PIWIL2: variants seen among roughly 807,000 people sequenced by gnomAD.
PIWIL2 encodes the protein piwi like RNA-mediated gene silencing 2.
PIWIL2 carries 81 observed loss-of-function variants against 116.5 expected under a neutral mutation model. The observed-to-expected ratio is 0.70, with a 90% confidence interval of 0.58 to 0.84. PIWIL2 has a LOEUF of 0.84. PIWIL2 is among the 40% of genes least tolerant of loss of function. PIWIL2 has a pLI of 0.00. For missense variants in PIWIL2, 1,272 were observed against 1,212.3 expected, an observed-to-expected ratio of 1.05 and a Z score of -0.73; for synonymous variants, 489 against 429.5, an observed-to-expected ratio of 1.14 and a Z score of -1.71.
chr8:22,277,844 A>G (rs564287821), intron 1 of PIWIL2, among the ~76,000 whole-genome samples: 2 of 152,326 alleles, frequency 1.3e-5, no homozygotes, highest in South Asian at 2.1e-4. Context: ...TTTGTTGACA[A>G]TAATTTTATG....
At chr8:22,337,821 G>A (rs1294232469) in intron 20 of PIWIL2, among the ~76,000 whole-genome samples, 7 of 151,354 alleles carry the variant, frequency 4.6e-5, no homozygotes, top group African/African-American at 1.7e-4. Context: ...TAGGCCAGGC[G>A]CAGTGACTCG....
At chr8:22,302,587 A>T (rs892438538) in intron 10 of PIWIL2, among the ~76,000 whole-genome samples, 4 of 151,898 alleles carry the variant, frequency 2.6e-5, no homozygotes, top group African/African-American at 9.7e-5. Context: ...TTTCCTTATT[A>T]TCATTTTTTA....
At chr8:22,278,184 G>T (rs1038847592) in intron 1 of PIWIL2, among the ~76,000 whole-genome samples, 3 of 150,896 alleles carry the variant, frequency 2.0e-5, no homozygotes, top group Non-Finnish European at 3.0e-5. Context: ...AAAAGGGGGG[G>T]AGGAAAAGAA....
At chr8:22,276,889 C>T (rs967367571) in intron 1 of PIWIL2, among the ~76,000 whole-genome samples, 2 of 144,592 alleles carry the variant, frequency 1.4e-5, no homozygotes, top group Admixed American at 7.3e-5. Context: ...GATGACAGAA[C>T]AAGACCCTGT....
intron 22 of PIWIL2, among the ~76,000 whole-genome samples, chr8:22,355,038 C>G (rs1276204418): frequency 2.0e-5 from 3 of 151,226 alleles, no homozygotes; most frequent in African/African-American, 7.3e-5. Context: ...CCATTGCACT[C>G]CAGCCTGGGC....
chr8:22,315,229 C>CCTCTTCTCAACACTTA, intron 18 of PIWIL2, 84 bp downstream of exon 18: 6 of 789,306 alleles, frequency 7.6e-6, no homozygotes, highest in Non-Finnish European at 9.1e-6. Context: ...CGTTATGCTT[C>CCTCTTCTCAACACTTA]CTCTTCTCAA....
intron 10 of PIWIL2, among the ~76,000 whole-genome samples, chr8:22,296,981 T>C (rs191692749): frequency 6.6e-4 from 101 of 152,206 alleles, no homozygotes; most frequent in African/African-American, 2.3e-3. Context: ...GCTTACATTC[T>C]TTCCTTTTTT....
At position 22,357,245 on chromosome 8, in the gene PIWIL2, C is replaced by T. The variant is rs1832507895; in HGVS notation, c.*1740C>T. The T allele has an allele frequency of 6.6e-6, 1 of 152,170 alleles. No individual in the cohort carries two copies. Among genetic ancestry groups the T allele is most frequent in the South Asian group, 2.1e-4 (1 of 4,830 alleles). 9.4% of individuals were successfully genotyped at this position (152,170 alleles called of 1,614,324 possible). A position where few individuals can be genotyped will look rare whatever the true frequency, so the allele number is the denominator to read the frequency against. On this transcript the variant is annotated 3_prime_UTR_variant, in exon 23 of 23. Transcript: ENST00000356766. ...TGAGGAGGGATGGGTATTGTTGGTG[C>T]ACTGCTGGTTTCATTTGGAGTGTGG...
chr8:22,301,041 G>A (rs1398684883), intron 10 of PIWIL2, among the ~76,000 whole-genome samples: 2 of 151,768 alleles, frequency 1.3e-5, no homozygotes, highest in Non-Finnish European at 2.9e-5. Context: ...GCGCAGAGGT[G>A]CAGTCACATC....
At chr8:22,316,934 A>G (rs766054711) in intron 19 of PIWIL2, among the ~76,000 whole-genome samples, 2 of 151,456 alleles carry the variant, frequency 1.3e-5, no homozygotes, top group South Asian at 2.1e-4. Flanking sequence ...GACCACAAGC[A>G]TGTGCCACCA....
Position 22,327,369 on chromosome 8 carries a change from GT to G in PIWIL2, c.2403+9109del, listed in dbSNP as rs1170780921. ...TGTTTTTTGTGGGGTTTTTTGTTTCGTTTTTTTTTTTTTTTGAGACGGAGTT... is the reference window on the plus strand; with the variant it reads ...TGTTTTTTGTGGGGTTTTTTGTTTCGTTTTTTTTTTTTTTGAGACGGAGTT... On this transcript the variant is annotated intron_variant, in intron 20 of 22. Coordinates refer to ENST00000356766, the MANE Select transcript of PIWIL2 (RefSeq NM_018068.5). 7.9e-3 allele frequency among the ~76,000 whole-genome samples: 929 copies of G among 117,558 alleles called. 11 individuals carry two copies. The highest frequency in any genetic ancestry group is 0.023 in the African/African-American group (747 of 31,960). The allele number at this position is 117,558 out of a possible 152,430, so 77.1% of individuals were successfully genotyped here.
At chr8:22,327,147 C>T (rs1046010146) in intron 20 of PIWIL2, among the ~76,000 whole-genome samples, 4 of 149,366 alleles carry the variant, frequency 2.7e-5, no homozygotes, top group African/African-American at 7.4e-5. Context: ...CCTGTCTCAG[C>T]GTCCTGAGTA....
chr8:22,307,864 C>T (rs906265235), intron 13 of PIWIL2, 69 bp from the exon 14 acceptor site: 4 of 1,229,672 alleles, frequency 3.3e-6, no homozygotes, highest in Non-Finnish European at 4.6e-6. Flanking sequence ...TTTAGACCTA[C>T]TGGGGTTTAT....
At chr8:22,284,362 G>T (rs777979995) in intron 6 of PIWIL2, 90 bp downstream of exon 6, 2 of 627,204 alleles carry the variant, frequency 3.2e-6, no homozygotes, top group South Asian at 2.2e-5. Context: ...GTCCTGGACA[G>T]TTCCTGGTGG....
chr8:22,324,134 C>CA (rs1831669313), intron 20 of PIWIL2, among the ~76,000 whole-genome samples: 1 of 152,110 alleles, frequency 6.6e-6, no homozygotes, highest in Admixed American at 6.6e-5. Flanking sequence ...TGGTGGTGGG[C>CA]ACCTGTAATC....
intron 20 of PIWIL2, among the ~76,000 whole-genome samples, chr8:22,329,671 A>G (rs1054631677): frequency 1.4e-4 from 22 of 152,222 alleles, no homozygotes; most frequent in African/African-American, 4.6e-4. Flanking sequence ...GAGATTTGGC[A>G]GGGACACACA....
At chr8:22,278,902 C>G (rs1450284223) in intron 1 of PIWIL2, among the ~76,000 whole-genome samples, 2 of 152,198 alleles carry the variant, frequency 1.3e-5, no homozygotes, top group Admixed American at 6.5e-5. Context: ...CTGTCACTGT[C>G]TCCCATCACC....
intron 20 of PIWIL2, among the ~76,000 whole-genome samples, chr8:22,339,297 G>A (rs1316247657): frequency 6.6e-6 from 1 of 152,100 alleles, no homozygotes; most frequent in Non-Finnish European, 1.5e-5. Context: ...CACGAGATCA[G>A]GAGATGGAGA....
chr8:22,342,482 T>C (rs889765834), intron 20 of PIWIL2, among the ~76,000 whole-genome samples: 2 of 152,202 alleles, frequency 1.3e-5, no homozygotes, highest in Admixed American at 6.5e-5. Flanking sequence ...CACACAAATA[T>C]AGTCAAGTGA....
Sources: gnomAD v4.1 joint callset for allele counts (sites outside exome capture counted in the v4.1 genomes callset) on GRCh38, gnomAD v4.1.1 for gene constraint, MANE v1.5 for transcripts, NCBI Gene and HGNC (gene_info 2026-07-23, HGNC 2026-07-21) for gene names.